RB1CC1: variants seen among roughly 807,000 people sequenced by gnomAD.
RB1CC1 encodes RB1-inducible coiled-coil protein 1.
In RB1CC1, 46 loss-of-function variants were observed where a neutral mutation model predicts 177.5. The ratio of observed to expected loss-of-function variants is 0.26; its 90% CI spans 0.20 to 0.33. The LOEUF (loss-of-function observed/expected upper bound fraction) is 0.33. RB1CC1 is among the 10% of genes least tolerant of loss of function. The pLI, the probability that RB1CC1 is intolerant of heterozygous loss-of-function variation, is 1.00. For missense variants in RB1CC1, 1,703 were observed against 1,816.3 expected, an observed-to-expected ratio of 0.94 and a Z score of 1.13; for synonymous variants, 666 against 613.6, an observed-to-expected ratio of 1.09 and a Z score of -1.26.
chr8:52,637,116 C>T (rs1219421118), intron 18 of RB1CC1, among the ~76,000 whole-genome samples: 2 of 152,156 alleles, frequency 1.3e-5, no homozygotes, highest in African/African-American at 4.8e-5. Context: ...CAACATAACA[C>T]AGTTCAGATT....
intron 5 of RB1CC1, among the ~76,000 whole-genome samples, chr8:52,680,694 C>A: frequency 6.6e-6 from 1 of 152,078 alleles, no homozygotes; most frequent in Non-Finnish European, 1.5e-5. Context: ...GTGGCATATT[C>A]GTACAATAGA....
rs575054382 is a variant in RB1CC1 at position 52,689,973 on chromosome 8, G to C, written c.-166-3006C>G. ...GCAGTATCTACAGCCAGGGAAAGTAGGCATAATTATCATAAATGTGATACT... is the reference window on the plus strand; with the variant it reads ...GCAGTATCTACAGCCAGGGAAAGTACGCATAATTATCATAAATGTGATACT... On this transcript the variant is annotated intron_variant, in intron 1 of 23. Coordinates refer to ENST00000025008, the MANE Select transcript of RB1CC1 (RefSeq NM_014781.5). 1.8e-3 allele frequency among the ~76,000 whole-genome samples: 271 copies of C among 152,212 alleles called. 2 individuals carry two copies. The highest frequency in any genetic ancestry group is 6.2e-3 in the African/African-American group (259 of 41,540).
At chr8:52,671,008 G>C (rs1290670670) in intron 7 of RB1CC1, among the ~76,000 whole-genome samples, 1 of 151,100 alleles carries the variant, frequency 6.6e-6, no homozygotes, top group African/African-American at 2.4e-5. Context: ...CTAAAAATAT[G>C]AGTCTACGAA....
chr8:52,663,676 A>G (rs1851820444), intron 8 of RB1CC1, among the ~76,000 whole-genome samples: 1 of 152,190 alleles, frequency 6.6e-6, no homozygotes, highest in African/African-American at 2.4e-5. Flanking sequence ...CTGACAAACT[A>G]TCTGCAACAG....
At chr8:52,707,195 C>T (rs1352849486) in intron 1 of RB1CC1, among the ~76,000 whole-genome samples, 1 of 152,084 alleles carries the variant, frequency 6.6e-6, no homozygotes, top group Non-Finnish European at 1.5e-5. Context: ...AAGTGAAATA[C>T]AAACATCAAT....
In RB1CC1 at chr8:52,658,937, T is replaced by C; in HGVS notation, c.1729A>G (p.Ile577Val). 1.3e-6 allele frequency: 2 copies of C among 1,582,148 alleles called. No individual in the cohort carries two copies. Among genetic ancestry groups the C allele is most frequent in the Middle Eastern group, 3.5e-4 (2 of 5,674 alleles). ...AGAAACTGTAAATCTTTTAATGAAA[T>C]ATCTGGAAGTTCACAGTCAAACTTT... ...PRKFDCELPD[I>V]SLKDLQFLQS... is the part of the protein sequence containing the mutation. The change falls in exon 13 of 24, where the codon ATT becomes GTT. Residue 577 changes from isoleucine (I) to valine (V), a missense_variant. Ile to Val is a conservative substitution (Grantham distance 29). Coordinates refer to ENST00000025008, the MANE Select transcript of RB1CC1 (RefSeq NM_014781.5).
chr8:52,698,275 C>T (rs1208364124), intron 1 of RB1CC1, among the ~76,000 whole-genome samples: 1 of 151,942 alleles, frequency 6.6e-6, no homozygotes, highest in Non-Finnish European at 1.5e-5. Flanking sequence ...GACGGCGTTT[C>T]TCCATGTTGC....
chr8:52,704,190 G>T (rs1199569696), intron 1 of RB1CC1, among the ~76,000 whole-genome samples: 1 of 152,014 alleles, frequency 6.6e-6, no homozygotes, highest in East Asian at 1.9e-4. Flanking sequence ...CAATTTCTCT[G>T]AATCTCAGTT....
chr8:52,641,632 A>G (rs994593837), intron 18 of RB1CC1, among the ~76,000 whole-genome samples: 3 of 151,858 alleles, frequency 2.0e-5, no homozygotes, highest in Non-Finnish European at 2.9e-5. Context: ...GAATTACTTC[A>G]TCTCACATGG....
intron 15 of RB1CC1, among the ~76,000 whole-genome samples, chr8:52,654,706 A>G (rs1238416894): frequency 1.3e-5 from 2 of 152,208 alleles, no homozygotes; most frequent in Non-Finnish European, 2.9e-5. Context: ...GTCCAGCTGT[A>G]TCAAGTGTCT....
intron 7 of RB1CC1, among the ~76,000 whole-genome samples, chr8:52,673,462 A>G (rs964736125): frequency 2.6e-5 from 4 of 152,238 alleles, no homozygotes; most frequent in Non-Finnish European, 4.4e-5. Context: ...TTTAAAAGTC[A>G]GAAAGAAGTT....
At chr8:52,705,685 G>A (rs1856481815) in intron 1 of RB1CC1, among the ~76,000 whole-genome samples, 1 of 152,076 alleles carries the variant, frequency 6.6e-6, no homozygotes, top group South Asian at 2.1e-4. Flanking sequence ...ATCAATGGAG[G>A]TTGGTTAAAT....
chr8:52,650,400 G>A (rs764675333), intron 15 of RB1CC1, among the ~76,000 whole-genome samples: 21 of 152,262 alleles, frequency 1.4e-4, no homozygotes, highest in Non-Finnish European at 2.2e-4. Flanking sequence ...CACCTGTTTG[G>A]GGGTCTTGGT....
intron 5 of RB1CC1, among the ~76,000 whole-genome samples, chr8:52,681,406 C>T (rs1853706565): frequency 6.6e-6 from 1 of 151,990 alleles, no homozygotes; most frequent in Admixed American, 6.5e-5. Flanking sequence ...CTTAAATTTA[C>T]CAATAAGGTA....
At chr8:52,706,326 A>G (rs942192580) in intron 1 of RB1CC1, among the ~76,000 whole-genome samples, 1 of 150,782 alleles carries the variant, frequency 6.6e-6, no homozygotes, top group Non-Finnish European at 1.5e-5. Flanking sequence ...AGCCTTCCCT[A>G]AATGGTCATT....
rs755010055 is a variant in RB1CC1 at position 52,630,104 on chromosome 8, C to G, written c.4499+366G>C. On this transcript the variant is annotated intron_variant, in intron 21 of 23. Coordinates refer to ENST00000025008, the MANE Select transcript of RB1CC1 (RefSeq NM_014781.5). Reference sequence around the variant, plus strand: ...ATATTAATAAAATGAAATCTAAAAACTAAAAATGAGGAAACACTGCAACTT... The same window carrying G: ...ATATTAATAAAATGAAATCTAAAAAGTAAAAATGAGGAAACACTGCAACTT... Among the ~76,000 whole-genome samples, 125 of 151,964 alleles carry G rather than the reference C, an allele frequency of 8.2e-4. 2 individuals carry two copies. The highest frequency in any genetic ancestry group is 1.6e-4 in the Non-Finnish European group (11 of 68,006).
At chr8:52,713,025 A>G (rs1415793785) in intron 1 of RB1CC1, among the ~76,000 whole-genome samples, 1 of 152,212 alleles carries the variant, frequency 6.6e-6, no homozygotes, top group Non-Finnish European at 1.5e-5. Flanking sequence ...ACACACAATT[A>G]AGTCTACTTA....
intron 5 of RB1CC1, 53 bp from the exon 6 acceptor site, chr8:52,676,624 C>CA: frequency 6.7e-7 from 1 of 1,492,184 alleles, no homozygotes; most frequent in Non-Finnish European, 9.2e-7. Context: ...GGTTTGTTTG[C>CA]AGAAGTTTGC....
intron 7 of RB1CC1, among the ~76,000 whole-genome samples, chr8:52,670,456 T>C (rs1852467714): frequency 6.6e-6 from 1 of 152,126 alleles, no homozygotes; most frequent in African/African-American, 2.4e-5. Context: ...AGAAAGAAAC[T>C]ATAAAACAAA....
Sources: allele counts gnomAD v4.1 joint callset (sites outside exome capture counted in the v4.1 genomes callset), GRCh38; gene constraint gnomAD v4.1.1; transcripts MANE v1.5; gene names NCBI Gene and HGNC (gene_info 2026-07-23, HGNC 2026-07-21).